The following FANCD2 variants were observed in gnomAD, a reference collection of about 807,000 sequenced individuals.
FANCD2 encodes the protein Fanconi anemia group D2 protein.
Under a neutral mutation model 192.3 loss-of-function variants are expected in FANCD2, and 131 were observed. The ratio of observed to expected loss-of-function variants is 0.68; its 90% CI spans 0.59 to 0.79. The LOEUF (loss-of-function observed/expected upper bound fraction) is 0.79. FANCD2 is among the 30% of genes least tolerant of loss of function. The pLI, the probability that FANCD2 is intolerant of heterozygous loss-of-function variation, is 0.00. For synonymous variants in FANCD2, 524 were observed against 612.5 expected (o/e 0.86, Z 2.13); for missense variants, 1,508 against 1,701.6 (o/e 0.89, Z 2.00).
chr3:10,079,916 GTCT>G (rs561789663), intron 30 of FANCD2, among the ~76,000 whole-genome samples: 244 of 151,100 alleles, frequency 1.6e-3, no homozygotes, highest in African/African-American at 5.5e-3. Flanking sequence ...TTTCTTCTTC[GTCT>G]TCTTTTTTTT....
chr3:10,064,519 C>T (rs2087659869), intron 22 of FANCD2, 90 bp downstream of exon 22: 6 of 1,353,372 alleles, frequency 4.4e-6, no homozygotes, highest in South Asian at 2.3e-5. Context: ...ATACCCTTCA[C>T]CTCAGCCACA....
chr3:10,101,642 C>T lies in FANCD2; in HGVS notation c.*380C>T. The T allele has an allele frequency of 3.1e-6, 1 of 318,838 alleles. No homozygotes were observed. The allele number at this position is 318,838 out of a possible 1,614,324, so 19.8% of individuals were successfully genotyped here. A position where few individuals can be genotyped will look rare whatever the true frequency, so the allele number is the denominator to read the frequency against. Reference sequence around the variant, plus strand: ...TCATGATCCACCTGCCTCAGCCTCCCAAAGTGCTGGGATTACAGGCATGAG... The same window carrying T: ...TCATGATCCACCTGCCTCAGCCTCCTAAAGTGCTGGGATTACAGGCATGAG... On this transcript the variant is annotated 3_prime_UTR_variant, in exon 44 of 44. Coordinates refer to ENST00000675286, the MANE Select transcript of FANCD2 (RefSeq NM_001018115.3).
At chr3:10,043,462 T>A (rs1412973731) in intron 12 of FANCD2, 22 bp from the exon 13 acceptor site, 2 of 1,588,228 alleles carry the variant, frequency 1.3e-6, no homozygotes, top group Admixed American at 3.3e-5. Context: ...AGAGTAATTT[T>A]TTTCCTCTCT....
intron 29 of FANCD2, among the ~76,000 whole-genome samples, chr3:10,077,371 C>T (rs374497481): frequency 6.6e-5 from 10 of 152,208 alleles, no homozygotes; most frequent in African/African-American, 2.4e-4. Context: ...GCCTGGCCAA[C>T]GTGATGAAAC....
chr3:10,053,356 C>T (rs35972737), intron 18 of FANCD2, among the ~76,000 whole-genome samples: 5 of 138,790 alleles, frequency 3.6e-5, no homozygotes, highest in East Asian at 4.5e-4. Context: ...GGAAGGGGAA[C>T]ATCACACTCT....
chr3:10,034,358 A>C, intron 3 of FANCD2, 111 bp from the exon 4 acceptor site: 1 of 715,308 alleles, frequency 1.4e-6, no homozygotes, highest in Non-Finnish European at 2.5e-6. Context: ...TTTGTCTCTG[A>C]AATTAGGTTG....
rs535093515 is a variant in FANCD2 at position 10,065,446 on chromosome 3, G to T, written c.2221G>T (p.Val741Leu). 1 of 1,614,010 alleles carries T rather than the reference G, an allele frequency of 6.2e-7. No homozygotes were observed. Among genetic ancestry groups the T allele is most frequent in the African/African-American group, 1.3e-5 (1 of 75,056 alleles). The change falls in exon 24 of 44, where the codon GTG (valine) becomes TTG (leucine). Residue 741 changes from valine (V) to leucine (L), a missense_variant. By Grantham distance (32) the Val-to-Leu change is conservative. Around this residue, in one of 5 missense-constraint regions of FANCD2, gnomAD observed 796 missense variants for 879.4 expected, o/e 0.91. Transcript: ENST00000675286. ...APYFRLLRLCVERQHNGNLEE... is the reference protein window; with the variant it reads ...APYFRLLRLCLERQHNGNLEE... ...GTATTTCCGGTTACTGAGACTTTGT[G>T]TGGAGAGACAGCATAACGGAAACTT...
chr3:10,046,456 G>A, intron 14 of FANCD2, 124 bp from the exon 15 acceptor site: 1 of 1,494,452 alleles, frequency 6.7e-7, no homozygotes, highest in Non-Finnish European at 9.1e-7. Context: ...TCCCAGGGGA[G>A]TGTGTGGAAC....
intron 2 of FANCD2, among the ~76,000 whole-genome samples, chr3:10,031,373 T>C (rs34599169): frequency 6.6e-6 from 1 of 151,898 alleles, no homozygotes; most frequent in South Asian, 2.1e-4. Context: ...CGTGGTGGTG[T>C]GCACCTGTAG....
chr3:10,040,854 G>T, intron 9 of FANCD2: 1 of 215,506 alleles, frequency 4.6e-6, no homozygotes, highest in Non-Finnish European at 9.3e-6. Context: ...TTACCTGCCT[G>T]ATGCCAGCTC....
chr3:10,063,941 TA>T (rs1161965398), intron 21 of FANCD2, 30 bp downstream of exon 21: 2 of 1,614,082 alleles, frequency 1.2e-6, no homozygotes, highest in African/African-American at 2.7e-5. Flanking sequence ...CTTAAAGCAA[TA>T]AAGCATGAGA....
chr3:10,058,579 A>G (rs2087479128), intron 18 of FANCD2, among the ~76,000 whole-genome samples: 1 of 152,202 alleles, frequency 6.6e-6, no homozygotes, highest in African/African-American at 2.4e-5. Context: ...CAGTTTTTCC[A>G]GTGCCAATTT....
intron 26 of FANCD2, among the ~76,000 whole-genome samples, chr3:10,071,163 T>C (rs1483172466): frequency 6.9e-6 from 1 of 145,094 alleles, no homozygotes; most frequent in South Asian, 2.2e-4. Flanking sequence ...AAAAAAAAGA[T>C]GGCTTTTATC....
At chr3:10,078,662 C>T (rs1693663098) in intron 30 of FANCD2, among the ~76,000 whole-genome samples, 1 of 146,822 alleles carries the variant, frequency 6.8e-6, no homozygotes, top group South Asian at 2.5e-4. Context: ...CCTCATCTTG[C>T]TTTAAATAGG....
chr3:10,032,341 T>C, intron 2 of FANCD2: 2 of 412,668 alleles, frequency 4.8e-6, no homozygotes, highest in Non-Finnish European at 9.5e-6. Context: ...AGTGCAGTGG[T>C]AATATCATAG....
intron 2 of FANCD2, among the ~76,000 whole-genome samples, chr3:10,031,331 G>A (rs540947933): frequency 4.6e-4 from 70 of 152,048 alleles, no homozygotes; most frequent in East Asian, 7.8e-4. Context: ...GTGAAACCCC[G>A]TCTCTACTAA....
At chr3:10,026,532 C>T (rs2086454654) in intron 1 of FANCD2, 59 bp downstream of exon 1, 1 of 476,418 alleles carries the variant, frequency 2.1e-6, no homozygotes. Context: ...GCGGCCTAAT[C>T]TCTAAGTCCG....
chr3:10,040,617 A>G (rs2086841595), intron 9 of FANCD2: 1 of 455,608 alleles, frequency 2.2e-6, no homozygotes, highest in Non-Finnish European at 4.4e-6. Flanking sequence ...GAAAAATAGT[A>G]ATTGGTAGGG....
intron 7 of FANCD2, 73 bp from the exon 8 acceptor site, chr3:10,039,206 G>T (rs530555525): frequency 7.7e-6 from 8 of 1,040,340 alleles, no homozygotes; most frequent in African/African-American, 3.1e-5. Flanking sequence ...AAAATATTTT[G>T]TGCAGTATTA....
Sources: allele counts gnomAD v4.1 joint callset (sites outside exome capture counted in the v4.1 genomes callset), GRCh38; gene constraint gnomAD v4.1.1; regional missense constraint gnomAD v4.1.1; transcripts MANE v1.5; gene names NCBI Gene and HGNC (gene_info 2026-07-23, HGNC 2026-07-21).